PSPH: variants seen among roughly 807,000 people sequenced by gnomAD.
PSPH encodes the protein phosphoserine phosphatase, also known as L-3-phosphoserine phosphatase.
Under a neutral mutation model 23.4 loss-of-function variants are expected in PSPH, and 16 were observed. The ratio of observed to expected loss-of-function variants is 0.68; its 90% CI spans 0.46 to 1.04. PSPH has a LOEUF of 1.04. PSPH is among the 50% of genes least tolerant of loss of function. The pLI is 0.00. For synonymous variants in PSPH, 68 were observed against 99.7 expected, an observed-to-expected ratio of 0.68 and a Z score of 1.89; for missense variants, 223 against 273.7, an observed-to-expected ratio of 0.81 and a Z score of 1.31.
intron 7 of PSPH, among the ~76,000 whole-genome samples, chr7:56,014,720 G>C (rs1383264613): frequency 6.6e-6 from 1 of 152,096 alleles, no homozygotes; most frequent in African/African-American, 2.4e-5. Context: ...GAAGCAGGCA[G>C]ATCACCTGAG....
chr7:56,029,191 G>A (rs1237725086), intron 3 of PSPH, among the ~76,000 whole-genome samples: 2 of 152,036 alleles, frequency 1.3e-5, no homozygotes, highest in Non-Finnish European at 2.9e-5. Flanking sequence ...GTGGCTATAG[G>A]GGGAAAAAGT....
chr7:56,029,192 G>A (rs2116863575), intron 3 of PSPH, among the ~76,000 whole-genome samples: 1 of 152,176 alleles, frequency 6.6e-6, no homozygotes, highest in Non-Finnish European at 1.5e-5. Flanking sequence ...TGGCTATAGG[G>A]GGAAAAAGTC....
intron 3 of PSPH, among the ~76,000 whole-genome samples, chr7:56,023,926 T>G (rs528174330): frequency 2.6e-4 from 40 of 151,914 alleles, no homozygotes; most frequent in Non-Finnish European, 5.3e-4. Flanking sequence ...TTTACTTTTT[T>G]TTTTTGTTTT....
chr7:56,022,298 C>T (rs1478557353), intron 3 of PSPH, among the ~76,000 whole-genome samples: 1 of 152,040 alleles, frequency 6.6e-6, no homozygotes. Flanking sequence ...CGTGCCACTG[C>T]ACTCCAGCCT....
intron 3 of PSPH, among the ~76,000 whole-genome samples, chr7:56,027,769 C>T (rs1790412620): frequency 6.7e-6 from 1 of 149,820 alleles, no homozygotes; most frequent in Non-Finnish European, 1.5e-5. Context: ...ATGAGATTGG[C>T]CGAGTGCAGT....
intron 1 of PSPH, among the ~76,000 whole-genome samples, chr7:56,046,703 G>A (rs1222128566): frequency 6.7e-6 from 1 of 149,738 alleles, no homozygotes; most frequent in East Asian, 2.0e-4. Flanking sequence ...AGAATCACTT[G>A]AACCCAGAAG....
At chr7:56,044,606 G>A (rs1465132015) in intron 1 of PSPH, among the ~76,000 whole-genome samples, 1 of 152,096 alleles carries the variant, frequency 6.6e-6, no homozygotes, top group African/African-American at 2.4e-5. Context: ...GCTGAAATCA[G>A]ATAATAGGTC....
intron 1 of PSPH, among the ~76,000 whole-genome samples, chr7:56,049,817 T>G (rs559819284): frequency 3.0e-4 from 46 of 152,126 alleles, no homozygotes. Context: ...CTCGGCTCAC[T>G]GCAACCTCTG....
intron 1 of PSPH, among the ~76,000 whole-genome samples, chr7:56,041,110 T>C (rs1792469675): frequency 6.6e-6 from 1 of 151,490 alleles, no homozygotes; most frequent in African/African-American, 2.4e-5. Flanking sequence ...ACGCCTGTAA[T>C]CCAAACACTT....
At chr7:56,013,015 TAC>T (rs1379036079) in intron 7 of PSPH, among the ~76,000 whole-genome samples, 2 of 150,304 alleles carry the variant, frequency 1.3e-5, no homozygotes, top group Admixed American at 6.7e-5. Flanking sequence ...ATTATATATA[TAC>T]ACACATATAC....
At chr7:56,027,732 C>T (rs1790405874) in intron 3 of PSPH, among the ~76,000 whole-genome samples, 1 of 148,168 alleles carries the variant, frequency 6.7e-6, no homozygotes. Context: ...AACCTCTTTC[C>T]AACCACTGAC....
intron 1 of PSPH, among the ~76,000 whole-genome samples, chr7:56,042,278 A>T (rs1378337525): frequency 1.3e-5 from 2 of 152,018 alleles, no homozygotes; most frequent in Non-Finnish European, 1.5e-5. Flanking sequence ...TCCAAGAAGG[A>T]CAAACAAAAA....
At chr7:56,032,532 C>T (rs932285425) in intron 2 of PSPH, among the ~76,000 whole-genome samples, 2 of 150,934 alleles carry the variant, frequency 1.3e-5, no homozygotes, top group East Asian at 3.9e-4. Flanking sequence ...TGCTACTGGG[C>T]ACCTGTAGTC....
intron 2 of PSPH, chr7:56,033,023 T>C (rs1791240746): frequency 1.3e-5 from 2 of 151,904 alleles, no homozygotes; most frequent in South Asian, 4.2e-4. Context: ...ATTTTAAAAG[T>C]CCTGACTACT....
At chr7:56,045,129 T>G (rs1026351927) in intron 1 of PSPH, among the ~76,000 whole-genome samples, 6 of 151,388 alleles carry the variant, frequency 4.0e-5, no homozygotes, top group Admixed American at 4.0e-4. Context: ...AATTCATTCA[T>G]TCAGTCAGTC....
intron 1 of PSPH, among the ~76,000 whole-genome samples, chr7:56,044,825 C>A (rs1793010629): frequency 6.6e-6 from 1 of 151,988 alleles, no homozygotes; most frequent in Admixed American, 6.6e-5. Flanking sequence ...GGTGTGGTGG[C>A]TCATGCTTGT....
At chr7:56,033,406 G>A (rs1238699111) in intron 2 of PSPH, 4 of 151,010 alleles carry the variant, frequency 2.6e-5, no homozygotes, top group South Asian at 2.1e-4. Context: ...GCTGAGGCAG[G>A]AGAATCCCTT....
intron 1 of PSPH, among the ~76,000 whole-genome samples, chr7:56,045,420 G>A (rs938537911): frequency 5.9e-5 from 9 of 152,196 alleles, no homozygotes; most frequent in Middle Eastern, 3.4e-3. Flanking sequence ...CAGTGATTGC[G>A]CCACTGCACT....
intron 3 of PSPH, among the ~76,000 whole-genome samples, chr7:56,023,217 G>C (rs1025998180): frequency 6.6e-6 from 1 of 152,064 alleles, no homozygotes; most frequent in South Asian, 2.1e-4. Context: ...AGAAACTCTG[G>C]AAGCCACACT....
Sources: gnomAD v4.1 joint callset for allele counts (sites outside exome capture counted in the v4.1 genomes callset) on GRCh38, gnomAD v4.1.1 for gene constraint, MANE v1.5 for transcripts, NCBI Gene and HGNC (gene_info 2026-07-23, HGNC 2026-07-21) for gene names.